SMIM35: variants seen among roughly 807,000 people sequenced by gnomAD.
SMIM35 encodes the protein small integral membrane protein 35, also known as TMPRSS4 antisense RNA 1 (non-protein coding).
intron 1 of SMIM35, among the ~76,000 whole-genome samples, chr11:118,048,154 T>A (rs1944133735): frequency 6.6e-6 from 1 of 152,232 alleles, no homozygotes; most frequent in South Asian, 2.1e-4. Flanking sequence ...GCATATCAAA[T>A]CCTGATTTTG....
chr11:118,016,247 A>G (rs2058182460), intron 1 of SMIM35, among the ~76,000 whole-genome samples: 1 of 152,176 alleles, frequency 6.6e-6, no homozygotes, highest in African/African-American at 2.4e-5. Context: ...CAGTGGCAGC[A>G]GGGTGTTAAC....
chr11:118,010,456 T>G (rs558835738), intron 4 of SMIM35, among the ~76,000 whole-genome samples: 1 of 152,370 alleles, frequency 6.6e-6, no homozygotes, highest in Admixed American at 6.5e-5. Context: ...TGGGTGTCTC[T>G]TCTCTACTCG....
At chr11:118,068,325 G>A (rs879918516) in intron 1 of SMIM35, among the ~76,000 whole-genome samples, 2 of 151,950 alleles carry the variant, frequency 1.3e-5, no homozygotes, top group Non-Finnish European at 2.9e-5. Flanking sequence ...CTCCCTCCTC[G>A]GGGAGGGAGC....
chr11:118,063,491 T>C (rs1261741643), intron 1 of SMIM35, among the ~76,000 whole-genome samples: 1 of 152,236 alleles, frequency 6.6e-6, no homozygotes, highest in Non-Finnish European at 1.5e-5. Context: ...CTCAGCCCCA[T>C]TTCCTGGCAT....
chr11:118,060,208 A>G (rs1483021005), intron 1 of SMIM35, among the ~76,000 whole-genome samples: 1 of 152,122 alleles, frequency 6.6e-6, no homozygotes, highest in Non-Finnish European at 1.5e-5. Flanking sequence ...TGGCCTGCCT[A>G]GAGTCTCTGC....
chr11:118,046,063 A>C (rs955938682), intron 1 of SMIM35, among the ~76,000 whole-genome samples: 1 of 152,178 alleles, frequency 6.6e-6, no homozygotes, highest in Non-Finnish European at 1.5e-5. Context: ...ATTTTCCTTC[A>C]CTTAGAGTGA....
chr11:118,067,847 AAAC>A (rs1944503236), intron 1 of SMIM35, among the ~76,000 whole-genome samples: 1 of 124,904 alleles, frequency 8.0e-6, no homozygotes, highest in Non-Finnish European at 1.7e-5. Context: ...AACAACCACA[AAAC>A]AACAACAAAC....
intron 1 of SMIM35, among the ~76,000 whole-genome samples, chr11:118,030,746 G>T (rs373189986): frequency 6.6e-6 from 1 of 152,036 alleles, no homozygotes; most frequent in Non-Finnish European, 1.5e-5. Flanking sequence ...CTAACCTGGA[G>T]CATCAGAGCC....
chr11:118,011,040 C>G (rs1331393865), intron 4 of SMIM35, among the ~76,000 whole-genome samples: 1 of 152,208 alleles, frequency 6.6e-6, no homozygotes, highest in Non-Finnish European at 1.5e-5. Context: ...GGGGTAAGGC[C>G]CAGGCCCCAA....
intron 1 of SMIM35, among the ~76,000 whole-genome samples, chr11:118,041,535 C>A (rs1348928782): frequency 6.6e-6 from 1 of 152,046 alleles, no homozygotes; most frequent in Admixed American, 6.5e-5. Flanking sequence ...GGAAATTAAA[C>A]AACACACTCC....
chr11:118,056,786 A>G (rs934340919), intron 1 of SMIM35, among the ~76,000 whole-genome samples: 2 of 152,206 alleles, frequency 1.3e-5, no homozygotes, highest in African/African-American at 4.8e-5. Flanking sequence ...AGACAGGCCA[A>G]TTCTGCAGAG....
Position 118,077,419 on chromosome 11 carries a change from T to TA in SMIM35, c.7+9331dup, listed in dbSNP as rs34249547. On this transcript the variant is annotated intron_variant, in intron 1 of 4. Transcript: ENST00000689828. ...GAGAATTCTGTGACACCTTCTAGGT[T>TA]AAAAAAAGAGGCCACACCCAAATCC... The TA allele has an allele frequency of 2.1e-4, 279 of 1,313,638 alleles. 3 individuals are homozygous for TA. The East Asian group carries it at 6.1e-3, about 29-fold the overall frequency. 81.4% of individuals were successfully genotyped at this position (1,313,638 alleles called of 1,614,324 possible).
chr11:118,011,858 A>G (rs528486517), intron 4 of SMIM35, among the ~76,000 whole-genome samples: 103 of 152,186 alleles, frequency 6.8e-4, no homozygotes, highest in African/African-American at 2.4e-3. Context: ...AGAACCACTA[A>G]GGGGCCTTCC....
Position 118,077,409 on chromosome 11 carries a change from C to T in SMIM35, c.7+9342G>A, listed in dbSNP as rs146088035. On this transcript the variant is annotated intron_variant, in intron 1 of 4. Transcript: ENST00000689828. ...TCCATCAGCTGAGAATTCTGTGACA[C>T]CTTCTAGGTTAAAAAAAGAGGCCAC... 5.4e-4 allele frequency: 730 copies of T among 1,363,708 alleles called. 3 individuals carry two copies. In the African/African-American group the frequency reaches 0.01, roughly 19 times the overall value. 84.5% of individuals were successfully genotyped at this position (1,363,708 alleles called of 1,614,324 possible). A position where few individuals can be genotyped will look rare whatever the true frequency, so the allele number is the denominator to read the frequency against.
chr11:118,086,399 G>A (rs1472500970), intron 1 of SMIM35, among the ~76,000 whole-genome samples: 1 of 152,256 alleles, frequency 6.6e-6, no homozygotes, highest in Admixed American at 6.5e-5. Context: ...ATGTGGTTTA[G>A]AACAAGGCAA....
intron 1 of SMIM35, among the ~76,000 whole-genome samples, chr11:118,038,849 G>T (rs1271741292): frequency 1.3e-5 from 2 of 152,098 alleles, no homozygotes; most frequent in Non-Finnish European, 2.9e-5. Context: ...TGTGCAAAGG[G>T]CTCAAAACAG....
intron 1 of SMIM35, among the ~76,000 whole-genome samples, chr11:118,035,956 C>T (rs1440840387): frequency 1.3e-5 from 2 of 152,206 alleles, no homozygotes; most frequent in African/African-American, 4.8e-5. Flanking sequence ...GGCACAGTCT[C>T]GGCTCACTAC....
chr11:118,084,932 C>G (rs1057122495), intron 1 of SMIM35, among the ~76,000 whole-genome samples: 1 of 152,180 alleles, frequency 6.6e-6, no homozygotes, highest in Non-Finnish European at 1.5e-5. Flanking sequence ...AAGGGACAAC[C>G]CCCTTCTGAT....
intron 1 of SMIM35, chr11:118,077,069 C>A (rs1366789948): frequency 8.1e-6 from 4 of 491,084 alleles, no homozygotes; most frequent in Non-Finnish European, 7.2e-6. Flanking sequence ...TGCCCAAAGT[C>A]CCCCAATCAC....
Sources: allele counts gnomAD v4.1 joint callset (sites outside exome capture counted in the v4.1 genomes callset), GRCh38; gene constraint gnomAD v4.1.1; transcripts MANE v1.5; gene names NCBI Gene and HGNC (gene_info 2026-07-23, HGNC 2026-07-21).